RRP15: variants seen among roughly 807,000 people sequenced by gnomAD.
RRP15 encodes the protein ribosomal RNA processing 15 homolog.
Under a neutral mutation model 27.1 loss-of-function variants are expected in RRP15, and 18 were observed. The observed-to-expected ratio is 0.66, with a 90% CI of 0.46 to 0.98. The LOEUF (loss-of-function observed/expected upper bound fraction) is 0.98, where lower values mean the gene tolerates loss of function less well. Among genes scored for constraint, RRP15 ranks in the 50% least tolerant of loss-of-function variants. The probability of loss-of-function intolerance (pLI) is 0.00; values close to 1 mark genes in which losing one functional copy is unlikely to be tolerated. For synonymous variants in RRP15, 107 were observed against 109.4 expected (o/e 0.98, Z 0.14); for missense variants, 359 against 337.8 (o/e 1.06, Z -0.49).
intron 3 of RRP15, 152 bp downstream of exon 3, chr1:218,305,277 G>C (rs986243296): frequency 1.5e-5 from 9 of 584,478 alleles, no homozygotes; most frequent in African/African-American, 1.5e-4. Context: ...TTCAACCAAA[G>C]ATTTTCCAGG....
intron 4 of RRP15, among the ~76,000 whole-genome samples, chr1:218,311,561 T>A (rs1020378139): frequency 3.9e-5 from 6 of 152,216 alleles, no homozygotes; most frequent in Admixed American, 3.3e-4. Flanking sequence ...TTTCTTGTGA[T>A]CATCCTGCTG....
intron 4 of RRP15, among the ~76,000 whole-genome samples, chr1:218,312,527 G>A (rs1007778187): frequency 2.0e-5 from 3 of 152,058 alleles, no homozygotes; most frequent in African/African-American, 4.8e-5. Flanking sequence ...GAACTTTGGG[G>A]TAAAATGTTG....
intron 1 of RRP15, 106 bp from the exon 2 acceptor site, chr1:218,302,188 T>C: frequency 1.3e-6 from 1 of 790,790 alleles, no homozygotes; most frequent in East Asian, 2.5e-5. Context: ...AGTACCCCCC[T>C]TGCAAAAATG....
chr1:218,318,590 G>A (rs1656125951), intron 4 of RRP15, among the ~76,000 whole-genome samples: 1 of 152,142 alleles, frequency 6.6e-6, no homozygotes, highest in Admixed American at 6.6e-5. Context: ...CGGGCTTGCT[G>A]AGATTTAGGT....
chr1:218,289,891 A>T (rs553561921), intron 1 of RRP15, among the ~76,000 whole-genome samples: 223 of 152,346 alleles, frequency 1.5e-3, no homozygotes, highest in African/African-American at 5.3e-3. Context: ...CATGTTGGTC[A>T]GGCTGGTCTT....
chr1:218,287,034 A>ACCTTGACCT (rs1320713129), intron 1 of RRP15, among the ~76,000 whole-genome samples: 3 of 151,882 alleles, frequency 2.0e-5, no homozygotes, highest in Non-Finnish European at 4.4e-5. Context: ...GCTCACTGCA[A>ACCTTGACCT]CCTTGACCTC....
intron 4 of RRP15, among the ~76,000 whole-genome samples, chr1:218,312,996 T>G (rs1656026504): frequency 6.6e-6 from 1 of 152,238 alleles, no homozygotes; most frequent in Non-Finnish European, 1.5e-5. Flanking sequence ...ACTTTATTCC[T>G]TACGCATTTG....
intron 2 of RRP15, among the ~76,000 whole-genome samples, chr1:218,303,410 C>T (rs1324137259): frequency 1.3e-5 from 2 of 152,118 alleles, no homozygotes; most frequent in African/African-American, 4.8e-5. Flanking sequence ...GTTCTTAATA[C>T]TGGTTGCTCT....
intron 1 of RRP15, among the ~76,000 whole-genome samples, chr1:218,294,395 G>A (rs1284356713): frequency 6.6e-6 from 1 of 152,114 alleles, no homozygotes; most frequent in Non-Finnish European, 1.5e-5. Flanking sequence ...TGGAACTTCT[G>A]ACCAACTGAC....
At chr1:218,286,063 A>T (rs191811121) in intron 1 of RRP15, among the ~76,000 whole-genome samples, 16 of 152,290 alleles carry the variant, frequency 1.1e-4, no homozygotes, top group African/African-American at 3.9e-4. Flanking sequence ...CATTCTTGGC[A>T]CCAGCTTATT....
At chr1:218,326,855 G>T (rs1463140609) in intron 4 of RRP15, among the ~76,000 whole-genome samples, 2 of 152,190 alleles carry the variant, frequency 1.3e-5, no homozygotes, top group African/African-American at 2.4e-5. Flanking sequence ...ATGGGATGGG[G>T]AAGTAGAGCA....
chr1:218,302,607 G>C (rs549409723), intron 2 of RRP15, 48 bp downstream of exon 2: 12 of 1,573,706 alleles, frequency 7.6e-6, no homozygotes, highest in Non-Finnish European at 9.5e-6. Flanking sequence ...GTCTAGGCTA[G>C]CTCTTATCTT....
intron 1 of RRP15, among the ~76,000 whole-genome samples, chr1:218,288,783 C>T (rs1339192421): frequency 6.6e-6 from 1 of 152,200 alleles, no homozygotes; most frequent in Non-Finnish European, 1.5e-5. Context: ...CTCCCTCCCA[C>T]TCAAGAAGAT....
At chr1:218,323,062 G>A (rs986827579) in intron 4 of RRP15, among the ~76,000 whole-genome samples, 4 of 152,174 alleles carry the variant, frequency 2.6e-5, no homozygotes, top group Non-Finnish European at 4.4e-5. Flanking sequence ...ACGTCGTGGC[G>A]TTCTGGAAGC....
At chr1:218,291,293 A>T (rs1429678470) in intron 1 of RRP15, among the ~76,000 whole-genome samples, 1 of 151,604 alleles carries the variant, frequency 6.6e-6, no homozygotes, top group Non-Finnish European at 1.5e-5. Context: ...AATATACAAA[A>T]AATTAGCCCA....
rs1280273990 is a variant in RRP15 at position 218,337,209 on chromosome 1, C to T, written c.*6118C>T. 4 of 152,134 alleles carry T rather than the reference C, an allele frequency of 2.6e-5. No homozygotes were observed. Among genetic ancestry groups the T allele is most frequent in the African/African-American group, 9.7e-5 (4 of 41,432 alleles). The allele number at this position is 152,134 out of a possible 1,614,324, so 9.4% of individuals were successfully genotyped here. A position where few individuals can be genotyped will look rare whatever the true frequency, so the allele number is the denominator to read the frequency against. On this transcript the variant is annotated 3_prime_UTR_variant, in exon 5 of 5. Coordinates refer to ENST00000366932, the MANE Select transcript of RRP15 (RefSeq NM_016052.4). ...TATGCATTTGGAGGATTAGGTGCTGCACCTATAGGTTTCCATTCATTTCTC... is the reference window on the plus strand; with the variant it reads ...TATGCATTTGGAGGATTAGGTGCTGTACCTATAGGTTTCCATTCATTTCTC...
chr1:218,307,686 T>C, intron 4 of RRP15, 54 bp downstream of exon 4: 1 of 1,202,946 alleles, frequency 8.3e-7, no homozygotes, highest in Non-Finnish European at 1.2e-6. Flanking sequence ...CTAAAACTAG[T>C]CTTGAGATGG....
chr1:218,314,047 A>C (rs1571803345), intron 4 of RRP15, among the ~76,000 whole-genome samples: 1 of 151,636 alleles, frequency 6.6e-6, no homozygotes, highest in South Asian at 2.1e-4. Context: ...AAGAGATGGA[A>C]TCTTGCTATG....
At chr1:218,315,265 A>G (rs1022367981) in intron 4 of RRP15, among the ~76,000 whole-genome samples, 3 of 152,132 alleles carry the variant, frequency 2.0e-5, no homozygotes, top group South Asian at 2.1e-4. Flanking sequence ...CTTCTTTGGT[A>G]TCTTACAACT....
Sources: allele counts gnomAD v4.1 joint callset (sites outside exome capture counted in the v4.1 genomes callset), GRCh38; gene constraint gnomAD v4.1.1; transcripts MANE v1.5; gene names NCBI Gene and HGNC (gene_info 2026-07-23, HGNC 2026-07-21).